SKI: variants seen among roughly 807,000 people sequenced by gnomAD.
SKI encodes ski oncogene.
In SKI, 23 loss-of-function variants were observed where a neutral mutation model predicts 59.3. That is an observed-to-expected ratio of 0.39 (90% CI 0.28 to 0.55). The LOEUF is 0.55. Ranked by LOEUF, SKI falls within the 20% of genes least tolerant of loss-of-function variation. The pLI is 0.67. For missense variants in SKI, 1,017 were observed against 1,038.9 expected, an observed-to-expected ratio of 0.98 and a Z score of 0.29; for synonymous variants, 673 against 488.6, an observed-to-expected ratio of 1.38 and a Z score of -4.98.
At chr1:2,299,589 T>C (rs1328966391) in intron 1 of SKI, among the ~76,000 whole-genome samples, 1 of 152,120 alleles carries the variant, frequency 6.6e-6, no homozygotes, top group Non-Finnish European at 1.5e-5. Context: ...CTCCTTGCTC[T>C]GGGGGGTTGA....
At chr1:2,282,777 C>T (rs547726205) in intron 1 of SKI, among the ~76,000 whole-genome samples, 20 of 152,226 alleles carry the variant, frequency 1.3e-4, no homozygotes, top group Middle Eastern at 3.4e-3. Context: ...CACCGGCTCT[C>T]GGGGGCGCCA....
rs946959868 is a variant in SKI at position 2,291,500 on chromosome 1, G to T, written c.970-11478G>T. Reference sequence around the variant, plus strand: ...AGCACTGCCTGGCCATTGGCCCCTGGTGGACGCCTCAGACCGAGGTCCCAG... The same window carrying T: ...AGCACTGCCTGGCCATTGGCCCCTGTTGGACGCCTCAGACCGAGGTCCCAG... On this transcript the variant is annotated intron_variant, in intron 1 of 6. Coordinates refer to ENST00000378536, the MANE Select transcript of SKI (RefSeq NM_003036.4). Among the ~76,000 whole-genome samples, 3 of 152,250 alleles carry T rather than the reference G, an allele frequency of 2.0e-5. No individual in the cohort carries two copies. The East Asian group carries it at 5.8e-4, about 29-fold the overall frequency.
rs1482612075 is a variant in SKI at position 2,307,575 on chromosome 1, C to T, written c.*810C>T. The T allele has an allele frequency of 6.6e-6, 1 of 152,454 alleles. No individual in the cohort carries two copies. Among genetic ancestry groups the T allele is most frequent in the Non-Finnish European group, 1.5e-5 (1 of 68,052 alleles). 9.4% of individuals were successfully genotyped at this position (152,454 alleles called of 1,614,324 possible). Reference sequence around the variant, plus strand: ...GTGGCTGGCGGTCACGCCCTCAGCCCCTCCGGGCACACGTGCCGCCTGACC... The same window carrying T: ...GTGGCTGGCGGTCACGCCCTCAGCCTCTCCGGGCACACGTGCCGCCTGACC... On this transcript the variant is annotated 3_prime_UTR_variant, in exon 7 of 7. Transcript: ENST00000378536.
At position 2,303,123 on chromosome 1, in the gene SKI, G is replaced by A. The variant is rs1640469305; in HGVS notation, c.1095+20G>A. On this transcript the variant is annotated intron_variant, in intron 2 of 6. Transcript: ENST00000378536. The surrounding 1 kb of genome is among the most constrained non-coding windows in gnomAD (Gnocchi z 5.6). ...AATAAGGTGCTGTGGGGCCTGTCGG[G>A]GTCCTTGGGGTGGTGGGTACTGGGC... The A allele has an allele frequency of 1.9e-6, 3 of 1,612,948 alleles. No homozygotes were observed. Among genetic ancestry groups the A allele is most frequent in the East Asian group, 2.2e-5 (1 of 44,868 alleles).
chr1:2,288,123 G>A (rs1186215324), intron 1 of SKI, among the ~76,000 whole-genome samples: 2 of 152,142 alleles, frequency 1.3e-5, no homozygotes, highest in Non-Finnish European at 2.9e-5. Flanking sequence ...CAAGTAGCTG[G>A]GATCACAGGC....
chr1:2,289,636 G>A (rs895113269), intron 1 of SKI, among the ~76,000 whole-genome samples: 1 of 141,292 alleles, frequency 7.1e-6, no homozygotes, highest in African/African-American at 2.5e-5. Context: ...TGGGGGTGCA[G>A]CACAGGTCGT....
chr1:2,235,421 C>G (rs932637177), intron 1 of SKI, among the ~76,000 whole-genome samples: 8 of 152,332 alleles, frequency 5.3e-5, no homozygotes, highest in African/African-American at 1.9e-4. Context: ...GCCACCTGTT[C>G]TCTCGAGGCC....
rs2100916839 is a variant in SKI, at chr1:2,303,278, T to G, written c.1096-7T>G. 1 of 1,613,146 alleles carries G rather than the reference T, an allele frequency of 6.2e-7. No individual in the cohort carries two copies. The highest frequency in any genetic ancestry group is 1.6e-4 in the Middle Eastern group (1 of 6,062). On this transcript the variant is annotated splice_polypyrimidine_tract_variant and splice_region_variant and intron_variant, in intron 2 of 6. Transcript: ENST00000378536. This position sits in a 1 kb window ranked among gnomAD's most constrained non-coding sequence, Gnocchi z 5.6. ...GGTCACTCACACAGACAACTCTTTC[T>G]CGACAGAGCCTGGGCTGTGTTCACC...
Position 2,268,175 on chromosome 1 carries a change from G to T in SKI, c.970-34803G>T, listed in dbSNP as rs886384709. Among the ~76,000 whole-genome samples, 1 of 152,202 alleles carries T rather than the reference G, an allele frequency of 6.6e-6. No individual in the cohort carries two copies. The highest frequency in any genetic ancestry group is 2.4e-5 in the African/African-American group (1 of 41,448). ...CGGCGGGGCCCTGGCTCTGTGGGTG[G>T]GTGGCTGTGCTGCCGCTGCTGTCGC... On this transcript the variant is annotated intron_variant, in intron 1 of 6. Transcript: ENST00000378536. The surrounding 1 kb of genome is among the most constrained non-coding windows in gnomAD (Gnocchi z 5.0).
chr1:2,240,482 G>C, intron 1 of SKI: 1 of 985,460 alleles, frequency 1.0e-6, no homozygotes, highest in Non-Finnish European at 1.2e-6. Flanking sequence ...GCCCCCATGA[G>C]GAGGTCCCGT....
intron 1 of SKI, among the ~76,000 whole-genome samples, chr1:2,253,867 T>C (rs1639219144): frequency 1.3e-5 from 2 of 152,138 alleles, no homozygotes; most frequent in African/African-American, 2.4e-5. Flanking sequence ...CGGGCATCGA[T>C]GCTGGACTTG....
chr1:2,287,850 C>T (rs1640076527), intron 1 of SKI, among the ~76,000 whole-genome samples: 1 of 152,242 alleles, frequency 6.6e-6, no homozygotes, highest in Non-Finnish European at 1.5e-5. Context: ...GATGGACCAG[C>T]TTCCTGCATG....
chr1:2,301,482 A>G lies in SKI; in HGVS notation c.970-1496A>G, dbSNP rs575085745. Reference sequence around the variant, plus strand: ...AGGCACCTGCCCCTCCCCTGGCCCCACCCTGCTTGTTCCCTGAGGGCTGCA... The same window carrying G: ...AGGCACCTGCCCCTCCCCTGGCCCCGCCCTGCTTGTTCCCTGAGGGCTGCA... On this transcript the variant is annotated intron_variant, in intron 1 of 6. Transcript: ENST00000378536. Among the ~76,000 whole-genome samples the G allele has an allele frequency of 5.0e-3, 751 of 150,962 alleles. 4 individuals are homozygous for G. The highest frequency in any genetic ancestry group is 8.0e-3 in the Non-Finnish European group (539 of 67,718).
At chr1:2,295,442 A>G (rs1190649398) in intron 1 of SKI, among the ~76,000 whole-genome samples, 1 of 152,252 alleles carries the variant, frequency 6.6e-6, no homozygotes, top group African/African-American at 2.4e-5. Flanking sequence ...TCCACAGAAT[A>G]TGGTTTAATG....
At position 2,308,060 on chromosome 1, in the gene SKI, A is replaced by C. The variant is rs1368059301; in HGVS notation, c.*1295A>C. 1 of 152,400 alleles carries C rather than the reference A, an allele frequency of 6.6e-6. No homozygotes were observed. The highest frequency in any genetic ancestry group is 1.5e-5 in the Non-Finnish European group (1 of 68,036). The allele number at this position is 152,400 out of a possible 1,614,324, so 9.4% of individuals were successfully genotyped here. A position where few individuals can be genotyped will look rare whatever the true frequency, so the allele number is the denominator to read the frequency against. On this transcript the variant is annotated 3_prime_UTR_variant, in exon 7 of 7. Transcript: ENST00000378536. The stretch of plus-strand genomic sequence containing the variant: ...TAATCTCGTTTACTCTCACCTGTTT[A>C]TGCAAATTGTATAAGGTTTCTTATG...
At chr1:2,266,291 C>T (rs1290860702) in intron 1 of SKI, among the ~76,000 whole-genome samples, 21 of 152,150 alleles carry the variant, frequency 1.4e-4, no homozygotes, top group Non-Finnish European at 3.1e-4. Flanking sequence ...AGTTTCTGCA[C>T]ATACATACTG....
chr1:2,282,459 G>A (rs1328784141), intron 1 of SKI, among the ~76,000 whole-genome samples: 3 of 106,920 alleles, frequency 2.8e-5, no homozygotes, highest in Admixed American at 9.2e-5. Context: ...TTCAGAGAGA[G>A]GACGCCTGAG....
intron 1 of SKI, among the ~76,000 whole-genome samples, chr1:2,275,445 C>G (rs377657420): frequency 6.6e-6 from 1 of 152,156 alleles, no homozygotes; most frequent in African/African-American, 2.4e-5. Context: ...GCAGCTTTGC[C>G]CTTCGTCTGA....
chr1:2,288,103 C>T (rs374904685), intron 1 of SKI, among the ~76,000 whole-genome samples: 18 of 152,202 alleles, frequency 1.2e-4, no homozygotes, highest in African/African-American at 3.1e-4. Context: ...ATTCTCCTGC[C>T]TCAGCCTCCC....
Sources: gnomAD v4.1 joint callset for allele counts (sites outside exome capture counted in the v4.1 genomes callset) on GRCh38, gnomAD v4.1.1 for gene constraint, Gnocchi (gnomAD v3.1) non-coding constraint, MANE v1.5 for transcripts, NCBI Gene and HGNC (gene_info 2026-07-23, HGNC 2026-07-21) for gene names.